The following GRM7 variants were observed in gnomAD, a reference collection of about 807,000 sequenced individuals.
GRM7 encodes the protein metabotropic glutamate receptor 7.
A neutral mutation model predicts 84.5 loss-of-function variants in GRM7; 35 were observed. The ratio of observed to expected loss-of-function variants is 0.41; its 90% CI spans 0.32 to 0.55. GRM7 has a LOEUF of 0.55. Among genes scored for constraint, GRM7 ranks in the 20% least tolerant of loss-of-function variants. The probability of loss-of-function intolerance (pLI) is 0.19; values close to 1 mark genes in which losing one functional copy is unlikely to be tolerated. For missense variants in GRM7, 1,003 were observed against 1,194.6 expected, an observed-to-expected ratio of 0.84 and a Z score of 2.36; for synonymous variants, 487 against 455.1, an observed-to-expected ratio of 1.07 and a Z score of -0.89.
In GRM7 at chr3:6,963,584, G is replaced by T. The variant is rs572028377; in HGVS notation, c.519+101677G>T. 8.5e-5 allele frequency among the ~76,000 whole-genome samples: 9 copies of T among 106,400 alleles called. No individual in the cohort carries two copies. In the South Asian group the frequency reaches 1.6e-3, roughly 19 times the overall value. The allele number at this position is 106,400 out of a possible 152,430, so 69.8% of individuals were successfully genotyped here. ...AGGTTACAGTGAGCCCTCCAGCCTGGGTGACAGAGCCAGAGCTTGCCTCTA... is the reference window on the plus strand; with the variant it reads ...AGGTTACAGTGAGCCCTCCAGCCTGTGTGACAGAGCCAGAGCTTGCCTCTA... On this transcript the variant is annotated intron_variant, in intron 1 of 9. Coordinates refer to ENST00000357716, the MANE Select transcript of GRM7 (RefSeq NM_000844.4).
chr3:7,223,007 A>G (rs1198017829), intron 2 of GRM7, among the ~76,000 whole-genome samples: 1 of 152,156 alleles, frequency 6.6e-6, no homozygotes, highest in East Asian at 1.9e-4. Context: ...TCATGTTACT[A>G]AACTAATGTT....
At chr3:7,453,932 A>G (rs1697888832) in intron 6 of GRM7, among the ~76,000 whole-genome samples, 1 of 152,154 alleles carries the variant, frequency 6.6e-6, no homozygotes, top group African/African-American at 2.4e-5. Context: ...ATTAACAAAA[A>G]GGTGGAGGAA....
intron 1 of GRM7, among the ~76,000 whole-genome samples, chr3:7,011,402 G>A (rs1249645163): frequency 6.6e-6 from 1 of 150,986 alleles, no homozygotes; most frequent in East Asian, 2.0e-4. Flanking sequence ...ATTTTTAATA[G>A]CATTTTTAAG....
chr3:6,955,746 G>A (rs1230647663), intron 1 of GRM7, among the ~76,000 whole-genome samples: 2 of 151,020 alleles, frequency 1.3e-5, no homozygotes, highest in Non-Finnish European at 2.9e-5. Flanking sequence ...GGAGGCTGAG[G>A]CACGAGAATC....
chr3:7,107,172 G>A (rs1338356815), intron 1 of GRM7, among the ~76,000 whole-genome samples: 1 of 151,968 alleles, frequency 6.6e-6, no homozygotes, highest in Non-Finnish European at 1.5e-5. Flanking sequence ...CATCAGGATA[G>A]AGATACTCGG....
At chr3:7,414,542 C>T (rs1232808392) in intron 4 of GRM7, among the ~76,000 whole-genome samples, 1 of 152,124 alleles carries the variant, frequency 6.6e-6, no homozygotes, top group Non-Finnish European at 1.5e-5. Context: ...CGTCCCTGCT[C>T]ATCTGGACAC....
At chr3:7,650,754 G>T (rs1234482436) in intron 8 of GRM7, among the ~76,000 whole-genome samples, 2 of 152,152 alleles carry the variant, frequency 1.3e-5, no homozygotes, top group East Asian at 1.9e-4. Context: ...GTCTCCCTCT[G>T]TTGCCCAGGC....
At chr3:7,472,954 G>C (rs1698762630) in intron 7 of GRM7, among the ~76,000 whole-genome samples, 1 of 152,064 alleles carries the variant, frequency 6.6e-6, no homozygotes, top group African/African-American at 2.4e-5. Flanking sequence ...TCCTCAAAAA[G>C]TATCTCAAAA....
chr3:7,481,960 G>T (rs1699146822), intron 7 of GRM7, among the ~76,000 whole-genome samples: 2 of 152,124 alleles, frequency 1.3e-5, no homozygotes, highest in Non-Finnish European at 2.9e-5. Flanking sequence ...AGGCTGAGGC[G>T]AGTGGATCAC....
intron 4 of GRM7, among the ~76,000 whole-genome samples, chr3:7,352,040 TCA>T (rs1033361524): frequency 8.3e-5 from 11 of 132,112 alleles, no homozygotes; most frequent in African/African-American, 1.5e-4. Context: ...TCTCTCTCTC[TCA>T]CACACACACA....
intron 1 of GRM7, among the ~76,000 whole-genome samples, chr3:7,010,436 G>A (rs1197792794): frequency 3.9e-5 from 6 of 152,268 alleles, no homozygotes; most frequent in African/African-American, 1.2e-4. Context: ...CCTGGGTGAC[G>A]GAGCAAGACT....
intron 3 of GRM7, among the ~76,000 whole-genome samples, chr3:7,300,991 A>C (rs921680864): frequency 6.6e-6 from 1 of 152,184 alleles, no homozygotes; most frequent in African/African-American, 2.4e-5. Context: ...TTCATATTTA[A>C]TAATTTAACA....
chr3:7,458,022 G>A (rs1389173537), intron 6 of GRM7, among the ~76,000 whole-genome samples: 5 of 152,236 alleles, frequency 3.3e-5, no homozygotes, highest in African/African-American at 7.2e-5. Flanking sequence ...TCAGGAACCC[G>A]AACAAATGCA....
chr3:7,108,467 G>C (rs1396098222), intron 1 of GRM7, among the ~76,000 whole-genome samples: 2 of 150,962 alleles, frequency 1.3e-5, no homozygotes, highest in Non-Finnish European at 2.9e-5. Flanking sequence ...CTTCAACTGT[G>C]ACTTTACAGT....
Position 7,064,531 on chromosome 3 carries a change from C to T in GRM7, c.520-81921C>T, listed in dbSNP as rs567261767. Among the ~76,000 whole-genome samples the T allele has an allele frequency of 2.9e-3, 294 of 103,054 alleles. 2 individuals are homozygous for T. The highest frequency in any genetic ancestry group is 9.6e-3 in the African/African-American group (215 of 22,284). The allele number at this position is 103,054 out of a possible 152,430, so 67.6% of individuals were successfully genotyped here. A position where few individuals can be genotyped will look rare whatever the true frequency, so the allele number is the denominator to read the frequency against. ...ATATATATATATACACACACACACA[C>T]GCATCCATCATGTATGGATATATAT... On this transcript the variant is annotated intron_variant, in intron 1 of 9. Transcript: ENST00000357716.
chr3:7,396,044 A>T (rs907527727), intron 4 of GRM7, among the ~76,000 whole-genome samples: 8 of 152,064 alleles, frequency 5.3e-5, no homozygotes, highest in Non-Finnish European at 1.2e-4. Flanking sequence ...TTATTTGCCA[A>T]TTTTTTTAAA....
intron 2 of GRM7, among the ~76,000 whole-genome samples, chr3:7,233,342 A>T (rs1326117379): frequency 6.6e-6 from 1 of 152,158 alleles, no homozygotes; most frequent in East Asian, 1.9e-4. Flanking sequence ...TTGATTAATT[A>T]TGATCATTTC....
In GRM7 at chr3:6,889,161, A is replaced by G. The variant is rs1158279922; in HGVS notation, c.519+27254A>G. ...GACAATGGGGTTTTCTAGATATACA[A>G]TCATGTCACCTGCAAACAGGGACAA... On this transcript the variant is annotated intron_variant, in intron 1 of 9. Coordinates refer to ENST00000357716, the MANE Select transcript of GRM7 (RefSeq NM_000844.4). 9.2e-5 allele frequency among the ~76,000 whole-genome samples: 14 copies of G among 152,302 alleles called. No homozygotes were observed. The South Asian group carries it at 2.7e-3, about 29-fold the overall frequency.
chr3:7,457,083 T>TAAA (rs1339298252), intron 6 of GRM7, among the ~76,000 whole-genome samples: 2 of 152,318 alleles, frequency 1.3e-5, no homozygotes, highest in Non-Finnish European at 2.9e-5. Context: ...TTAAACTTTA[T>TAAA]ATCGCATGTT....
Sources: allele counts gnomAD v4.1 joint callset (sites outside exome capture counted in the v4.1 genomes callset), GRCh38; gene constraint gnomAD v4.1.1; transcripts MANE v1.5; gene names NCBI Gene and HGNC (gene_info 2026-07-23, HGNC 2026-07-21).